Variants in MSL3 observed in about 807,000 individuals in gnomAD.
The protein encoded by MSL3 is MSL3-like 1.
MSL3 carries 5 observed loss-of-function variants against 37.2 expected under a neutral mutation model. The ratio of observed to expected loss-of-function variants is 0.13; its 90% CI spans 0.07 to 0.28. MSL3 has a LOEUF of 0.28. Ranked by LOEUF, MSL3 falls within the 10% of genes least tolerant of loss-of-function variation. The pLI is 1.00. For missense variants in MSL3, 315 were observed against 408.5 expected (o/e 0.77, Z 1.97); for synonymous variants, 149 against 147.6 (o/e 1.01, Z -0.07).
chrX:11,763,992 G>A (rs933051383), intron 8 of MSL3, 54 bp downstream of exon 8: 1 of 1,055,845 alleles, frequency 9.5e-7, no homozygotes, highest in Admixed American at 2.6e-5. Context: ...ACAATGATCA[G>A]ATCCTTGTTT....
In MSL3 at chrX:11,760,885, C is replaced by T. The variant is rs2053126057; in HGVS notation, c.330C>T (p.Asp110=). The change falls in exon 4 of 13, where the codon GAC becomes GAT. Residue 110 remains aspartate, a synonymous_variant. Transcript: ENST00000312196. The part of the protein sequence containing the change: ...KKKRCRLPGV[D]SVLKGLPTEE... ...AGCGCTGCAGGTTGCCTGGTGTGGA[C>T]TCTGTCTTAAAAGGCCTCCCCACTG... The T allele has an allele frequency of 8.3e-7, 1 of 1,203,204 alleles. No homozygotes were observed. Among genetic ancestry groups the T allele is most frequent in the East Asian group, 3.0e-5 (1 of 33,614 alleles).
intron 1 of MSL3, 137 bp downstream of exon 1, chrX:11,758,502 GGGGCGCTCACA>G: frequency 9.9e-7 from 1 of 1,014,962 alleles, no homozygotes; most frequent in Non-Finnish European, 1.3e-6. Flanking sequence ...CGGCCGGCAG[GGGGCGCTCACA>G]GGGCGCTACG....
At chrX:11,768,539 G>A (rs1461228561) in intron 9 of MSL3, 34 bp from the exon 10 acceptor site, 2 of 947,508 alleles carry the variant, frequency 2.1e-6, no homozygotes, top group East Asian at 6.2e-5. Flanking sequence ...TAATTCAGTT[G>A]CTGTGTGAAT....
chrX:11,765,344 C>T (rs1225018645), intron 8 of MSL3, 123 bp from the exon 9 acceptor site: 4 of 840,350 alleles, frequency 4.8e-6, no homozygotes, highest in Non-Finnish European at 6.6e-6. Flanking sequence ...GGAGAGGGTC[C>T]AAGTGACTTC....
rs1356747401 is a variant in MSL3, at chrX:11,772,208, C to T, written c.1334C>T (p.Pro445Leu). 8.3e-7 allele frequency: 1 copy of T among 1,208,615 alleles called. No individual in the cohort carries two copies. Among genetic ancestry groups the T allele is most frequent in the Non-Finnish European group, 1.1e-6 (1 of 894,349 alleles). ...PDNYPPGDQPPPPSYIYGAQH... is the reference protein window; with the variant it reads ...PDNYPPGDQPLPPSYIYGAQH... ...AATTACCCCCCAGGTGACCAGCCGC[C>T]TCCACCCTCTTACATTTATGGGGCA... The change falls in exon 11 of 13, where the codon CCT becomes CTT. Residue 445 changes from proline to leucine, a missense_variant. Pro to Leu is a moderately conservative substitution (Grantham distance 98, BLOSUM62 -3). Coordinates refer to ENST00000312196, the MANE Select transcript of MSL3 (RefSeq NM_078629.4).
rs147003474 is a variant in MSL3 at position 11,761,518 on chromosome X, A to G, written c.401A>G (p.Asp134Gly). The G allele has an allele frequency of 4.4e-4, 522 of 1,199,441 alleles. 5 individuals carry two copies. The South Asian group carries it at 9.0e-3, about 21-fold the overall frequency. ...CACCTAGCATTAAGCAGTTCCTCTG[A>G]CTGTAGTGAAAACAAGGATGAAGAA... The part of the protein sequence containing the change: ...NDENSLSSSS[D>G]CSENKDEEIS... Residue 134 changes from aspartate (D) to glycine (G), a missense_variant, in exon 5 of 13, where the codon GAC becomes GGC. Physicochemically the swap from Asp to Gly is moderately conservative, Grantham distance 94 (BLOSUM62 -1). Transcript: ENST00000312196.
At chrX:11,764,024 G>C in intron 8 of MSL3, 86 bp downstream of exon 8, 1 of 846,567 alleles carries the variant, frequency 1.2e-6, no homozygotes, top group Non-Finnish European at 1.7e-6. Context: ...ATCTGATGGT[G>C]TGGGCCAACA....
chrX:11,767,126 TTG>T, intron 9 of MSL3: 1 of 754,449 alleles, frequency 1.3e-6, no homozygotes, highest in Non-Finnish European at 1.6e-6. Flanking sequence ...GACTTGTTGA[TTG>T]TGTCACCCCA....
At chrX:11,759,461 C>T (rs2053108072) in intron 1 of MSL3, 1 of 337,999 alleles carries the variant, frequency 3.0e-6, no homozygotes, top group Non-Finnish European at 4.4e-6. Context: ...TAGGGGAGCC[C>T]AGGAGACTAC....
chrX:11,765,396 G>A (rs1171253945), intron 8 of MSL3, 71 bp from the exon 9 acceptor site: 6 of 1,119,313 alleles, frequency 5.4e-6, no homozygotes, highest in East Asian at 3.0e-5. Flanking sequence ...AGAGCATTTC[G>A]TGTCTTCAGA....
chrX:11,766,373 T>G (rs1037791158), intron 9 of MSL3: 45 of 752,946 alleles, frequency 6.0e-5, no homozygotes, highest in Middle Eastern at 1.5e-3. Flanking sequence ...CATTTTAAAC[T>G]TTCAAAAACT....
chrX:11,759,354 G>C lies in MSL3; in HGVS notation c.103-439G>C, dbSNP rs780403928. ...CCTCCAGCCTCCTCGGGGCGGAGGGGGGGGGGCACGCCCCATCATTAGTTT... is the reference window on the plus strand; with the variant it reads ...CCTCCAGCCTCCTCGGGGCGGAGGGCGGGGGGCACGCCCCATCATTAGTTT... On this transcript the variant is annotated intron_variant, in intron 1 of 12. Coordinates refer to ENST00000312196, the MANE Select transcript of MSL3 (RefSeq NM_078629.4). 6.3e-5 allele frequency among the ~76,000 whole-genome samples: 7 copies of C among 111,911 alleles called. No individual in the cohort carries two copies. The South Asian group carries it at 1.5e-3, about 24-fold the overall frequency.
chrX:11,773,135 G>A lies in MSL3; in HGVS notation c.1466+430G>A, dbSNP rs192004749. Among the ~76,000 whole-genome samples, 208 of 111,688 alleles carry A rather than the reference G, an allele frequency of 1.9e-3. 1 individual carries two copies. Among genetic ancestry groups the A allele is most frequent in the Non-Finnish European group, 2.8e-3 (148 of 53,108 alleles). ...TAGTAGCATTTATAGGTTGGATTTC[G>A]GTGTTTACTTTAGAATTAAGAGAAA... On this transcript the variant is annotated intron_variant, in intron 12 of 12. Coordinates refer to ENST00000312196, the MANE Select transcript of MSL3 (RefSeq NM_078629.4).
chrX:11,768,839 T>C (rs968103873), intron 10 of MSL3, 157 bp downstream of exon 10: 1 of 425,572 alleles, frequency 2.3e-6, no homozygotes, highest in African/African-American at 2.5e-5. Flanking sequence ...CTGTGGGTTT[T>C]GGTTTCTAAA....
Position 11,760,497 on chromosome X carries a change from C to T in MSL3, c.280C>T (p.Leu94=). Residue 94 remains leucine, a splice_region_variant and synonymous_variant, in exon 3 of 13, where the codon CTG becomes TTG. Transcript: ENST00000312196. ...ATTGGCAAGAAAAGCTGTAGCTCGC[C>T]TGTAAGAATACAAAAATCAAGATAT... The part of the protein sequence containing the change: ...RKLARKAVAR[L]RSTGRKKKRC... 1 of 1,171,754 alleles carries T rather than the reference C, an allele frequency of 8.5e-7. No homozygotes were observed. The highest frequency in any genetic ancestry group is 1.9e-5 in the South Asian group (1 of 52,037).
chrX:11,761,416 C>G lies in MSL3; in HGVS notation c.383-84C>G, dbSNP rs765525845. 9.7e-5 allele frequency: 50 copies of G among 515,120 alleles called. 1 individual carries two copies. Among genetic ancestry groups the G allele is most frequent in the Non-Finnish European group, 1.6e-4 (50 of 315,768 alleles). The allele number at this position is 515,120 out of a possible 1,213,427, so 42.5% of individuals were successfully genotyped here. ...TTGCAGTTTATTATTTCCAGTAGCACCCACACTACACGTGAAGATCTGTAG... is the reference window on the plus strand; with the variant it reads ...TTGCAGTTTATTATTTCCAGTAGCAGCCACACTACACGTGAAGATCTGTAG... On this transcript the variant is annotated intron_variant, in intron 4 of 12. Coordinates refer to ENST00000312196, the MANE Select transcript of MSL3 (RefSeq NM_078629.4).
rs190928353 is a variant in MSL3 at position 11,769,818 on chromosome X, C to T, written c.1281+1136C>T. On this transcript the variant is annotated intron_variant, in intron 10 of 12. Coordinates refer to ENST00000312196, the MANE Select transcript of MSL3 (RefSeq NM_078629.4). ...ACTAAGTTTTGCCATGTTGCCCAGC[C>T]TGGTCACCAACTCCTGAGCTCAAGT... Among the ~76,000 whole-genome samples, 38 of 112,165 alleles carry T rather than the reference C, an allele frequency of 3.4e-4. No homozygotes were observed. The East Asian group carries it at 9.8e-3, about 29-fold the overall frequency.
chrX:11,761,848 A>C (rs747799428), intron 5 of MSL3, among the ~76,000 whole-genome samples: 1 of 112,108 alleles, frequency 8.9e-6, no homozygotes, highest in African/African-American at 3.2e-5. Context: ...ATAATGATTA[A>C]TTTTTTAATG....
Position 11,775,172 on chromosome X carries a change from C to A in MSL3, c.*93C>A. On this transcript the variant is annotated 3_prime_UTR_variant, in exon 13 of 13. Coordinates refer to ENST00000312196, the MANE Select transcript of MSL3 (RefSeq NM_078629.4). ...TAACAAGGTGGTGGGTCTTTACCCA[C>A]AGCGCAAACACAATGCCCACCTTGG... The A allele has an allele frequency of 3.2e-6, 2 of 615,508 alleles. No individual in the cohort carries two copies. Among genetic ancestry groups the A allele is most frequent in the Non-Finnish European group, 5.3e-6 (2 of 376,652 alleles). The allele number at this position is 615,508 out of a possible 1,213,427, so 50.7% of individuals were successfully genotyped here.
Sources: gnomAD v4.1 joint callset for allele counts (sites outside exome capture counted in the v4.1 genomes callset) on GRCh38, gnomAD v4.1.1 for gene constraint, MANE v1.5 for transcripts, NCBI Gene and HGNC (gene_info 2026-07-23, HGNC 2026-07-21) for gene names.